The following FAM83B variants were observed in gnomAD, a reference collection of about 807,000 sequenced individuals.
The protein encoded by FAM83B is scaffolding CK1 anchoring protein B, also known as protein FAM83B.
Under a neutral mutation model 38.8 loss-of-function variants are expected in FAM83B, and 26 were observed. The ratio of observed to expected loss-of-function variants is 0.67; its 90% CI spans 0.49 to 0.93. The LOEUF is 0.93. Ranked by LOEUF, FAM83B falls within the 40% of genes least tolerant of loss-of-function variation. FAM83B has a pLI of 0.00. For missense variants in FAM83B, 1,237 were observed against 1,197.3 expected (o/e 1.03, Z -0.49); for synonymous variants, 419 against 423.1 (o/e 0.99, Z 0.12).
At chr6:54,923,753 A>G (rs1773221994) in intron 2 of FAM83B, among the ~76,000 whole-genome samples, 1 of 152,074 alleles carries the variant, frequency 6.6e-6, no homozygotes, top group South Asian at 2.1e-4. Flanking sequence ...CACCACTGCC[A>G]TGCTGTCTCC....
chr6:54,846,565 C>T (rs369952089), upstream of FAM83B, among the ~76,000 whole-genome samples: 7 of 152,314 alleles, frequency 4.6e-5, no homozygotes, highest in East Asian at 1.2e-3. Flanking sequence ...AGGTTCCGAG[C>T]GCTTTCTGGC....
At chr6:54,925,505 A>G (rs1442812728) in intron 2 of FAM83B, among the ~76,000 whole-genome samples, 1 of 152,110 alleles carries the variant, frequency 6.6e-6, no homozygotes, top group African/African-American at 2.4e-5. Flanking sequence ...CACAGACTCT[A>G]CATCTTAGGG....
intron 2 of FAM83B, among the ~76,000 whole-genome samples, chr6:54,877,317 G>A (rs941721256): frequency 2.4e-5 from 3 of 124,544 alleles, no homozygotes; most frequent in African/African-American, 9.9e-5. Context: ...TGAAAATAAG[G>A]GGATATTACT....
intron 2 of FAM83B, among the ~76,000 whole-genome samples, chr6:54,916,602 T>C (rs1561924129): frequency 6.6e-6 from 1 of 152,156 alleles, no homozygotes; most frequent in Non-Finnish European, 1.5e-5. Context: ...TAAATCCCAA[T>C]ATATTTGAAG....
chr6:54,867,425 G>A lies in FAM83B; in HGVS notation c.-60-2762G>A, dbSNP rs190293090. ...CTCTTATGATAAATATCTCTAAACC[G>A]TGGCTGGAACATAGCCTCTCCACCA... On this transcript the variant is annotated intron_variant, in intron 1 of 4. Coordinates refer to ENST00000306858, the MANE Select transcript of FAM83B (RefSeq NM_001010872.3). Among the ~76,000 whole-genome samples the A allele has an allele frequency of 1.1e-4, 16 of 151,952 alleles. No homozygotes were observed. The East Asian group carries it at 1.5e-3, about 15-fold the overall frequency.
intron 2 of FAM83B, among the ~76,000 whole-genome samples, chr6:54,905,020 C>T (rs1270521352): frequency 6.6e-6 from 1 of 151,838 alleles, no homozygotes; most frequent in East Asian, 1.9e-4. Context: ...GAGGTAGTAG[C>T]AATGGTGGTT....
At chr6:54,905,065 A>G (rs1772748846) in intron 2 of FAM83B, among the ~76,000 whole-genome samples, 1 of 152,188 alleles carries the variant, frequency 6.6e-6, no homozygotes. Flanking sequence ...TAGGAGGAGT[A>G]GTTGCAGGGC....
At chr6:54,930,597 A>AT (rs1773397113) in intron 4 of FAM83B, among the ~76,000 whole-genome samples, 1 of 152,038 alleles carries the variant, frequency 6.6e-6, no homozygotes, top group African/African-American at 2.4e-5. Flanking sequence ...AAGTTGAACC[A>AT]TTTTTCCTCC....
intron 2 of FAM83B, among the ~76,000 whole-genome samples, chr6:54,909,687 G>A (rs1772861889): frequency 6.6e-6 from 1 of 152,082 alleles, no homozygotes; most frequent in African/African-American, 2.4e-5. Flanking sequence ...GTAACTTATT[G>A]CCCCCAAGAA....
In FAM83B at chr6:54,896,232, C is replaced by T. The variant is rs553612221; in HGVS notation, c.444+25542C>T. Among the ~76,000 whole-genome samples, 5 of 152,236 alleles carry T rather than the reference C, an allele frequency of 3.3e-5. No individual in the cohort carries two copies. In the East Asian group the frequency reaches 9.7e-4, roughly 29 times the overall value. On this transcript the variant is annotated intron_variant, in intron 2 of 4. Transcript: ENST00000306858. ...AACAAACAAAGGAAAAAAATACAAC[C>T]ATTGATAAAATATCTCATCAACTGA...
intron 1 of FAM83B, among the ~76,000 whole-genome samples, chr6:54,852,322 T>G (rs1358197114): frequency 1.3e-5 from 2 of 152,272 alleles, no homozygotes; most frequent in African/African-American, 4.8e-5. Flanking sequence ...TGTCACATTT[T>G]GATAATTCTC....
chr6:54,902,324 G>T (rs1435694492), intron 2 of FAM83B, among the ~76,000 whole-genome samples: 2 of 152,142 alleles, frequency 1.3e-5, no homozygotes, highest in African/African-American at 4.8e-5. Context: ...GAGTAGCTGG[G>T]ATTTCAGCCA....
chr6:54,927,798 A>T (rs542331729), intron 4 of FAM83B, among the ~76,000 whole-genome samples, 166 bp downstream of exon 4: 1 of 149,446 alleles, frequency 6.7e-6, no homozygotes, highest in Non-Finnish European at 1.5e-5. Flanking sequence ...TTGAGTCATG[A>T]GTCTGCCACT....
At chr6:54,868,338 T>C (rs1044165605) in intron 1 of FAM83B, among the ~76,000 whole-genome samples, 3 of 152,110 alleles carry the variant, frequency 2.0e-5, no homozygotes, top group Non-Finnish European at 4.4e-5. Context: ...CACAAGTGAT[T>C]CTATTTAAAA....
chr6:54,901,833 A>G (rs1772667751), intron 2 of FAM83B, among the ~76,000 whole-genome samples: 1 of 152,136 alleles, frequency 6.6e-6, no homozygotes, highest in Non-Finnish European at 1.5e-5. Flanking sequence ...CAGGTGTGTC[A>G]TTTTTATGAC....
chr6:54,923,261 G>A (rs1000430873), intron 2 of FAM83B, among the ~76,000 whole-genome samples: 1 of 152,098 alleles, frequency 6.6e-6, no homozygotes, highest in African/African-American at 2.4e-5. Flanking sequence ...AATGCCAGCA[G>A]GATCTAAAAT....
rs377085448 is a variant in FAM83B, at chr6:54,932,007, C to CTTTT, written c.734+4392_734+4395dup. Among the ~76,000 whole-genome samples, 302 of 89,180 alleles carry CTTTT rather than the reference C, an allele frequency of 3.4e-3. 14 individuals are homozygous for CTTTT. The highest frequency in any genetic ancestry group is 8.6e-3 in the African/African-American group (164 of 19,070). 58.5% of individuals were successfully genotyped at this position (89,180 alleles called of 152,430 possible). ...CAGTTATCACTGGAATTACATAAAA[C>CTTTT]TTTTTTTTTTTTTTTTTTTTGAGAC... On this transcript the variant is annotated intron_variant, in intron 4 of 4. Transcript: ENST00000306858.
intron 2 of FAM83B, among the ~76,000 whole-genome samples, chr6:54,880,069 C>T (rs1772093177): frequency 6.6e-6 from 1 of 152,160 alleles, no homozygotes; most frequent in South Asian, 2.1e-4. Flanking sequence ...AAAGTTTTAA[C>T]AATCTACATA....
intron 1 of FAM83B, among the ~76,000 whole-genome samples, chr6:54,848,993 A>G (rs1771203940): frequency 6.6e-6 from 1 of 152,150 alleles, no homozygotes; most frequent in South Asian, 2.1e-4. Flanking sequence ...TTTAAACACA[A>G]TGTTTTGTTC....
Sources: allele counts gnomAD v4.1 joint callset (sites outside exome capture counted in the v4.1 genomes callset), GRCh38; gene constraint gnomAD v4.1.1; transcripts MANE v1.5; gene names NCBI Gene and HGNC (gene_info 2026-07-23, HGNC 2026-07-21).